The following PPFIBP2 variants were observed in gnomAD, a reference collection of about 807,000 sequenced individuals.
PPFIBP2 encodes PPFIB scaffold protein 2, also known as liprin-beta-2.
In PPFIBP2, 118 loss-of-function variants were observed where a neutral mutation model predicts 118.3. The ratio of observed to expected loss-of-function variants is 1.00; its 90% CI spans 0.86 to 1.16. The LOEUF (loss-of-function observed/expected upper bound fraction) is 1.16, where lower values mean the gene tolerates loss of function less well. PPFIBP2 is among the 50% of genes most tolerant of loss of function. PPFIBP2 has a pLI of 0.00. For synonymous variants in PPFIBP2, 414 were observed against 397.4 expected (o/e 1.04, Z -0.50); for missense variants, 1,195 against 1,073.1 (o/e 1.11, Z -1.59).
intron 5 of PPFIBP2, chr11:7,605,631 A>G (rs1045174720): frequency 3.9e-6 from 4 of 1,018,954 alleles, no homozygotes; most frequent in Non-Finnish European, 3.7e-6. Context: ...TATGAATACA[A>G]TTGGAATGAC....
At chr11:7,575,372 G>A (rs1856167414) in intron 3 of PPFIBP2, among the ~76,000 whole-genome samples, 1 of 151,810 alleles carries the variant, frequency 6.6e-6, no homozygotes, top group African/African-American at 2.4e-5. Context: ...AGGGACACCT[G>A]AGCCACAGCT....
chr11:7,598,946 G>A (rs547691832), intron 5 of PPFIBP2, among the ~76,000 whole-genome samples: 66 of 131,622 alleles, frequency 5.0e-4, no homozygotes, highest in African/African-American at 1.8e-3. Context: ...ATAAAAACCC[G>A]TTTCAATGAT....
intron 2 of PPFIBP2, among the ~76,000 whole-genome samples, chr11:7,552,845 T>C (rs951704224): frequency 2.6e-5 from 4 of 152,176 alleles, no homozygotes; most frequent in African/African-American, 9.7e-5. Flanking sequence ...GTGTCTATCA[T>C]GCATTCCCAC....
At chr11:7,529,500 C>T (rs7113264) in intron 1 of PPFIBP2, among the ~76,000 whole-genome samples, 6 of 151,848 alleles carry the variant, frequency 4.0e-5, no homozygotes, top group Admixed American at 1.3e-4. Flanking sequence ...GATACCAGTA[C>T]GGCTCAGCCA....
At chr11:7,635,214 G>A (rs1851299288) in intron 13 of PPFIBP2, among the ~76,000 whole-genome samples, 1 of 152,248 alleles carries the variant, frequency 6.6e-6, no homozygotes, top group Admixed American at 6.5e-5. Flanking sequence ...CCATCCCTTG[G>A]TCTCCAATAA....
intron 1 of PPFIBP2, chr11:7,538,153 A>T (rs1851397727): frequency 6.6e-6 from 1 of 152,302 alleles, no homozygotes; most frequent in African/African-American, 2.4e-5. Flanking sequence ...GGTGTGAGCC[A>T]TCAGAACCTC....
intron 3 of PPFIBP2, among the ~76,000 whole-genome samples, chr11:7,588,121 C>G (rs536276357): frequency 1.4e-4 from 21 of 152,208 alleles, no homozygotes; most frequent in African/African-American, 4.8e-4. Context: ...TTGAGTATGC[C>G]AGCAACCAGC....
chr11:7,653,622 G>A lies in PPFIBP2; in HGVS notation c.*404G>A, dbSNP rs756410434. 25 of 1,295,364 alleles carry A rather than the reference G, an allele frequency of 1.9e-5. No homozygotes were observed. Among genetic ancestry groups the A allele is most frequent in the South Asian group, 1.4e-4 (11 of 81,086 alleles). 80.2% of individuals were successfully genotyped at this position (1,295,364 alleles called of 1,614,324 possible). ...GGAAAAGCTCAAGTGCCTTAGGCCC[G>A]TGGACCACAGTCTTGGCTGAGATCA... On this transcript the variant is annotated 3_prime_UTR_variant, in exon 24 of 24. Coordinates refer to ENST00000299492, the MANE Select transcript of PPFIBP2 (RefSeq NM_003621.5).
At chr11:7,566,268 T>G (rs1854973379) in intron 3 of PPFIBP2, among the ~76,000 whole-genome samples, 1 of 152,250 alleles carries the variant, frequency 6.6e-6, no homozygotes, top group African/African-American at 2.4e-5. Context: ...AAAATTAGTT[T>G]ATTCGTATTC....
At chr11:7,656,211 T>A (rs185220697), downstream of PPFIBP2, among the ~76,000 whole-genome samples, 1 of 152,150 alleles carries the variant, frequency 6.6e-6, no homozygotes, top group Non-Finnish European at 1.5e-5. Context: ...TTTTTGAGGA[T>A]CCATCACTCC....
chr11:7,588,219 T>A (rs1163052045), intron 3 of PPFIBP2, among the ~76,000 whole-genome samples: 6 of 152,180 alleles, frequency 3.9e-5, no homozygotes, highest in Non-Finnish European at 5.9e-5. Flanking sequence ...GGACCTGGTT[T>A]AGGTTAGGCT....
chr11:7,612,575 T>C (rs1848193792), intron 6 of PPFIBP2, among the ~76,000 whole-genome samples: 1 of 152,250 alleles, frequency 6.6e-6, no homozygotes. Flanking sequence ...CTTTTTTCTT[T>C]CTTTTCTGAA....
chr11:7,520,277 A>C (rs889040653), intron 1 of PPFIBP2, among the ~76,000 whole-genome samples: 1 of 152,184 alleles, frequency 6.6e-6, no homozygotes, highest in African/African-American at 2.4e-5. Flanking sequence ...CGTGGTACCC[A>C]GACGGCCTCC....
At position 7,648,522 on chromosome 11, in the gene PPFIBP2, T is replaced by C; in HGVS notation, c.1782T>C (p.Pro594=). Residue 594 remains proline (P), a synonymous_variant, in exon 18 of 24, where the codon CCT becomes CCC. Coordinates refer to ENST00000299492, the MANE Select transcript of PPFIBP2 (RefSeq NM_003621.5). ...GCCACACCTTATTGACAGCCACCCC[T>C]CAGGACATGGAAAAGGTAAGGGCTC... ...SSGHTLLTAT[P]QDMEKELGIK... 1 of 1,613,986 alleles carries C rather than the reference T, an allele frequency of 6.2e-7. No individual in the cohort carries two copies. The highest frequency in any genetic ancestry group is 8.5e-7 in the Non-Finnish European group (1 of 1,179,994).
intron 2 of PPFIBP2, among the ~76,000 whole-genome samples, chr11:7,555,937 G>T (rs1034470301): frequency 2.0e-5 from 3 of 151,874 alleles, no homozygotes; most frequent in Admixed American, 6.5e-5. Flanking sequence ...TAATGGTGTG[G>T]ACAGGTTTTA....
At chr11:7,597,777 T>C in intron 5 of PPFIBP2, 104 bp downstream of exon 5, 14 of 957,726 alleles carry the variant, frequency 1.5e-5, no homozygotes, top group Non-Finnish European at 1.5e-5. Flanking sequence ...TTTCCCATCC[T>C]GCCTGGGGGC....
chr11:7,666,254 A>C, the PPFIBP2 span: 2 of 596,700 alleles, frequency 3.4e-6, no homozygotes, highest in South Asian at 4.2e-5. Context: ...CCTGCTCTCG[A>C]TTGCCCTTAA....
intron 3 of PPFIBP2, among the ~76,000 whole-genome samples, chr11:7,570,189 G>C (rs745585104): frequency 6.6e-5 from 10 of 152,188 alleles, no homozygotes; most frequent in Non-Finnish European, 1.5e-4. Flanking sequence ...GGCTAGGTTG[G>C]GTGGTGGAAA....
rs768096035 is a variant in PPFIBP2 at position 7,639,408 on chromosome 11, T to C, written c.1237-324T>C. Among the ~76,000 whole-genome samples, 102 of 152,206 alleles carry C rather than the reference T, an allele frequency of 6.7e-4. 1 individual carries two copies. Among genetic ancestry groups the C allele is most frequent in the Non-Finnish European group, 1.5e-4 (10 of 68,036 alleles). On this transcript the variant is annotated intron_variant, in intron 14 of 23. Transcript: ENST00000299492. ...TTACAGAGTAATTCACGGCTGTTAA[T>C]TCATTGAGTCTCTGAGCACTAGGCC...
Sources: allele counts gnomAD v4.1 joint callset (sites outside exome capture counted in the v4.1 genomes callset), GRCh38; gene constraint gnomAD v4.1.1; transcripts MANE v1.5; gene names NCBI Gene and HGNC (gene_info 2026-07-23, HGNC 2026-07-21).